The following LSAMP variants were observed in gnomAD, a reference collection of about 807,000 sequenced individuals.
The protein encoded by LSAMP is limbic system associated membrane protein.
Under a neutral mutation model 38.6 loss-of-function variants are expected in LSAMP, and 7 were observed. The ratio of observed to expected loss-of-function variants is 0.18; its 90% CI spans 0.10 to 0.34. LSAMP has a LOEUF of 0.34. Among genes scored for constraint, LSAMP ranks in the 10% least tolerant of loss-of-function variants. The probability of loss-of-function intolerance (pLI) is 1.00; values close to 1 mark genes in which losing one functional copy is unlikely to be tolerated. For synonymous variants in LSAMP, 154 were observed against 166.8 expected, an observed-to-expected ratio of 0.92 and a Z score of 0.59; for missense variants, 313 against 420.0, an observed-to-expected ratio of 0.75 and a Z score of 2.23.
chr3:115,986,065 G>A (rs1349721099), intron 3 of LSAMP, among the ~76,000 whole-genome samples: 1 of 152,138 alleles, frequency 6.6e-6, no homozygotes, highest in Non-Finnish European at 1.5e-5. Context: ...AAAAAGAAGA[G>A]TCCAAAAGTT....
At chr3:115,977,762 CTCTG>C (rs1447776094) in intron 3 of LSAMP, among the ~76,000 whole-genome samples, 2 of 150,324 alleles carry the variant, frequency 1.3e-5, no homozygotes, top group African/African-American at 4.9e-5. Flanking sequence ...TTGTCTTTTC[CTCTG>C]TCTCTCTTTT....
intron 1 of LSAMP, among the ~76,000 whole-genome samples, chr3:116,401,610 A>C (rs936189532): frequency 6.6e-6 from 1 of 152,162 alleles, no homozygotes; most frequent in Admixed American, 6.5e-5. Context: ...CATCCCTGCT[A>C]ATCCTTCAAG....
chr3:116,385,854 T>A (rs1320837589), intron 1 of LSAMP, among the ~76,000 whole-genome samples: 5 of 152,040 alleles, frequency 3.3e-5, no homozygotes, highest in African/African-American at 1.2e-4. Context: ...AGTAGGTATG[T>A]GTATATTAAA....
chr3:115,820,305 A>G (rs1934188849), intron 6 of LSAMP, among the ~76,000 whole-genome samples: 1 of 152,216 alleles, frequency 6.6e-6, no homozygotes, highest in African/African-American at 2.4e-5. Flanking sequence ...GCTTCAGCAA[A>G]TACACTTAAC....
chr3:116,117,934 T>C (rs1379148410), intron 1 of LSAMP, among the ~76,000 whole-genome samples: 1 of 145,262 alleles, frequency 6.9e-6, no homozygotes, highest in African/African-American at 2.9e-5. Flanking sequence ...TTATTTCGTA[T>C]ATCTTTTTTT....
chr3:115,805,142 T>C lies in LSAMP; in HGVS notation c.*5175A>G, dbSNP rs958926029. 2.6e-5 allele frequency: 4 copies of C among 152,192 alleles called. No individual in the cohort carries two copies. Among genetic ancestry groups the C allele is most frequent in the Admixed American group, 6.5e-5 (1 of 15,280 alleles). The allele number at this position is 152,192 out of a possible 1,614,324, so 9.4% of individuals were successfully genotyped here. On this transcript the variant is annotated 3_prime_UTR_variant, in exon 7 of 7. Transcript: ENST00000490035. Reference sequence around the variant, plus strand: ...GCTGGGAGTGGATACAGCAGACATATAGCCCTTAAAACCTTTCCCTCTATT... The same window carrying C: ...GCTGGGAGTGGATACAGCAGACATACAGCCCTTAAAACCTTTCCCTCTATT...
At chr3:115,922,096 C>T (rs1937395291) in intron 3 of LSAMP, among the ~76,000 whole-genome samples, 1 of 152,088 alleles carries the variant, frequency 6.6e-6, no homozygotes, top group Non-Finnish European at 1.5e-5. Context: ...GTTCATTGGG[C>T]TTCTTGAATC....
At chr3:116,305,003 G>C (rs142292944) in intron 1 of LSAMP, among the ~76,000 whole-genome samples, 67 of 152,164 alleles carry the variant, frequency 4.4e-4, no homozygotes, top group African/African-American at 1.6e-3. Context: ...CACTACTAAA[G>C]GTGTTTTTAA....
chr3:116,444,313 G>C (rs891869327), intron 1 of LSAMP, among the ~76,000 whole-genome samples: 1 of 151,582 alleles, frequency 6.6e-6, no homozygotes, highest in African/African-American at 2.4e-5. Flanking sequence ...CTTACAGAAA[G>C]TCTTCTATCA....
At chr3:116,301,839 C>A (rs1055619758) in intron 1 of LSAMP, among the ~76,000 whole-genome samples, 1 of 152,136 alleles carries the variant, frequency 6.6e-6, no homozygotes, top group Admixed American at 6.5e-5. Flanking sequence ...TGACACAAAT[C>A]TATCATGACA....
At chr3:116,006,955 A>C (rs1940177206) in intron 3 of LSAMP, among the ~76,000 whole-genome samples, 1 of 152,214 alleles carries the variant, frequency 6.6e-6, no homozygotes, top group African/African-American at 2.4e-5. Flanking sequence ...CACAGCCCAA[A>C]CAGCATAAAG....
rs1020148095 is a variant in LSAMP, at chr3:115,802,906, A to G, written c.*7411T>C. On this transcript the variant is annotated 3_prime_UTR_variant, in exon 7 of 7. Coordinates refer to ENST00000490035, the MANE Select transcript of LSAMP (RefSeq NM_002338.5). ...TCTTCCCTTTAACCTCCCTACTCCA[A>G]GTAAATACTTAGGGAGCAGAACTTG... is the stretch of plus-strand genomic sequence containing the variant. 6.6e-6 allele frequency: 1 copy of G among 152,064 alleles called. No individual in the cohort carries two copies. The highest frequency in any genetic ancestry group is 1.5e-5 in the Non-Finnish European group (1 of 68,032). The allele number at this position is 152,064 out of a possible 1,614,324, so 9.4% of individuals were successfully genotyped here. A position where few individuals can be genotyped will look rare whatever the true frequency, so the allele number is the denominator to read the frequency against.
chr3:116,139,745 C>T (rs1389141044), intron 1 of LSAMP, among the ~76,000 whole-genome samples: 5 of 151,884 alleles, frequency 3.3e-5, no homozygotes, highest in Admixed American at 2.0e-4. Context: ...TCTCGTGATG[C>T]CTGCTTTGGG....
intron 1 of LSAMP, among the ~76,000 whole-genome samples, chr3:116,173,295 T>C (rs1036250972): frequency 6.6e-6 from 1 of 152,026 alleles, no homozygotes; most frequent in African/African-American, 2.4e-5. Flanking sequence ...TTTGGGTAAA[T>C]CCCACTACAT....
At chr3:115,846,737 G>A (rs922405061) in intron 4 of LSAMP, among the ~76,000 whole-genome samples, 11 of 152,118 alleles carry the variant, frequency 7.2e-5, no homozygotes, top group African/African-American at 2.4e-4. Context: ...TTCTTTTGGA[G>A]AACAATGAAT....
chr3:115,969,601 C>T (rs1393350408), intron 3 of LSAMP, among the ~76,000 whole-genome samples: 1 of 152,158 alleles, frequency 6.6e-6, no homozygotes, highest in Admixed American at 6.5e-5. Context: ...CTGCTTCCAC[C>T]ACTGCTACTA....
intron 1 of LSAMP, among the ~76,000 whole-genome samples, chr3:116,163,181 C>T (rs912373858): frequency 4.7e-5 from 7 of 148,720 alleles, no homozygotes; most frequent in South Asian, 2.2e-4. Flanking sequence ...CCCATTAACT[C>T]GTCATTTAGC....
chr3:116,155,279 C>T (rs1353392690), intron 1 of LSAMP, among the ~76,000 whole-genome samples: 1 of 151,984 alleles, frequency 6.6e-6, no homozygotes, highest in Non-Finnish European at 1.5e-5. Flanking sequence ...GGCTGGAGTG[C>T]AATGGCATGA....
At chr3:116,097,925 G>T (rs1708260098) in intron 1 of LSAMP, among the ~76,000 whole-genome samples, 1 of 151,780 alleles carries the variant, frequency 6.6e-6, no homozygotes, top group South Asian at 2.1e-4. Flanking sequence ...AGGTAAGATG[G>T]GGTTTCACTA....
Sources: gnomAD v4.1 joint callset for allele counts (sites outside exome capture counted in the v4.1 genomes callset) on GRCh38, gnomAD v4.1.1 for gene constraint, MANE v1.5 for transcripts, NCBI Gene and HGNC (gene_info 2026-07-23, HGNC 2026-07-21) for gene names.